Variants in ITSN2 observed in about 807,000 individuals in gnomAD.
ITSN2 encodes the protein intersectin 2.
ITSN2 carries 156 observed loss-of-function variants against 243.7 expected under a neutral mutation model. The ratio of observed to expected loss-of-function variants is 0.64; its 90% CI spans 0.56 to 0.73. The LOEUF (loss-of-function observed/expected upper bound fraction) is 0.73. Among genes scored for constraint, ITSN2 ranks in the 30% least tolerant of loss-of-function variants. The pLI, the probability that ITSN2 is intolerant of heterozygous loss-of-function variation, is 0.00. For synonymous variants in ITSN2, 703 were observed against 699.9 expected (o/e 1.00, Z -0.07); for missense variants, 1,801 against 1,996.1 (o/e 0.90, Z 1.86).
chr2:24,210,799 T>G lies in ITSN2; in HGVS notation c.4238A>C (p.Gln1413Pro). Residue 1413 changes from glutamine (Q) to proline (P), a missense_variant, in exon 34 of 40, where the codon CAG (glutamine) becomes CCG (proline). By Grantham distance (76) the Gln-to-Pro change is moderately conservative. Coordinates refer to ENST00000355123, the MANE Select transcript of ITSN2 (RefSeq NM_006277.3). ...DRLEWIQAHV[Q>P]CEGLAEQLIF... is the part of the protein sequence containing the mutation. ...CCTGACCTCCGCGAGGCCTTCACAC[T>G]GCACGTGCGCCTGGATCCACTCCAG... 2 of 1,613,996 alleles carry G rather than the reference T, an allele frequency of 1.2e-6. No individual in the cohort carries two copies. The highest frequency in any genetic ancestry group is 1.7e-6 in the Non-Finnish European group (2 of 1,179,958).
At chr2:24,266,861 C>T (rs955080940) in intron 20 of ITSN2, among the ~76,000 whole-genome samples, 2 of 151,504 alleles carry the variant, frequency 1.3e-5, no homozygotes, top group Admixed American at 6.6e-5. Flanking sequence ...GGCGTGAGCT[C>T]GGGTGGTCGA....
chr2:24,296,235 C>A (rs538817053), intron 13 of ITSN2, among the ~76,000 whole-genome samples: 1 of 152,134 alleles, frequency 6.6e-6, no homozygotes, highest in Non-Finnish European at 1.5e-5. Context: ...TAAAACAGTG[C>A]CCAGGAGGAA....
chr2:24,311,421 G>C (rs1360647782), intron 5 of ITSN2, among the ~76,000 whole-genome samples: 2 of 152,086 alleles, frequency 1.3e-5, no homozygotes, highest in African/African-American at 4.8e-5. Context: ...GCCCCGACTA[G>C]AATGAAGTGG....
intron 27 of ITSN2, among the ~76,000 whole-genome samples, chr2:24,247,470 TA>T (rs1673537589): frequency 6.6e-6 from 1 of 152,194 alleles, no homozygotes; most frequent in Non-Finnish European, 1.5e-5. Flanking sequence ...GTGAGTTCTG[TA>T]AAGTCCTTCT....
chr2:24,219,631 G>A (rs142110160), intron 30 of ITSN2, among the ~76,000 whole-genome samples: 3 of 152,292 alleles, frequency 2.0e-5, no homozygotes, highest in African/African-American at 7.2e-5. Flanking sequence ...TCATAAGAAG[G>A]CCTCACCTGT....
chr2:24,289,924 C>A (rs536367293), intron 15 of ITSN2, among the ~76,000 whole-genome samples: 1 of 152,278 alleles, frequency 6.6e-6, no homozygotes, highest in South Asian at 2.1e-4. Flanking sequence ...CTTCAGTTTA[C>A]CCCCATTGAT....
intron 1 of ITSN2, among the ~76,000 whole-genome samples, chr2:24,339,919 C>G (rs527400780): frequency 1.3e-5 from 2 of 151,836 alleles, no homozygotes; most frequent in South Asian, 4.2e-4. Context: ...TCTAGCTACT[C>G]AGGAAGTAGC....
At chr2:24,348,115 G>C (rs961438889) in intron 1 of ITSN2, among the ~76,000 whole-genome samples, 1 of 149,846 alleles carries the variant, frequency 6.7e-6, no homozygotes, top group African/African-American at 2.4e-5. Flanking sequence ...CAAATACTAA[G>C]ATCTCAGTAA....
At chr2:24,235,305 A>T (rs1206198471) in intron 29 of ITSN2, among the ~76,000 whole-genome samples, 1 of 152,118 alleles carries the variant, frequency 6.6e-6, no homozygotes, top group East Asian at 1.9e-4. Context: ...CAGTAAAAAG[A>T]TCAGTGGTTG....
intron 15 of ITSN2, 129 bp downstream of exon 15, chr2:24,293,559 C>T (rs1054019451): frequency 3.0e-5 from 13 of 436,602 alleles, no homozygotes; most frequent in Non-Finnish European, 5.0e-5. Context: ...TATTTTGAAA[C>T]TTTAAACTTA....
intron 1 of ITSN2, among the ~76,000 whole-genome samples, chr2:24,337,277 GTATGTA>G (rs1313063942): frequency 2.1e-3 from 6 of 2,860 alleles, no homozygotes; most frequent in South Asian, 9.4e-3. Context: ...GTGTCTATAT[GTATGTA>G]TGTGTGTGTG....
At chr2:24,212,837 CTTTTA>C in intron 32 of ITSN2, 89 bp from the exon 33 acceptor site, 3 of 1,055,136 alleles carry the variant, frequency 2.8e-6, no homozygotes, top group Non-Finnish European at 4.4e-6. Context: ...TTTCACATTT[CTTTTA>C]TTTATTTATG....
chr2:24,261,642 C>A lies in ITSN2; in HGVS notation c.2456G>T (p.Ser819Ile), dbSNP rs377548804. ...PCNYVEKMPSSENEKAVSPKK... is the reference protein window; with the variant it reads ...PCNYVEKMPSIENEKAVSPKK... ...TGGAGATACAGCTTTTTCATTTTCACTTGATGGCATTTTTTCTACATAATT... is the reference window on the plus strand; with the variant it reads ...TGGAGATACAGCTTTTTCATTTTCAATTGATGGCATTTTTTCTACATAATT... The change falls in exon 21 of 40, where the codon AGT becomes ATT. Residue 819 changes from serine to isoleucine, a missense_variant. By Grantham distance (142) the Ser-to-Ile change is moderately radical. Around this residue, in one of 5 missense-constraint regions of ITSN2, gnomAD observed 928 missense variants for 1,065.4 expected, o/e 0.87. Coordinates refer to ENST00000355123, the MANE Select transcript of ITSN2 (RefSeq NM_006277.3). 1.7e-5 allele frequency: 28 copies of A among 1,613,372 alleles called. No homozygotes were observed. Among genetic ancestry groups the A allele is most frequent in the Non-Finnish European group, 2.3e-5 (27 of 1,179,582 alleles).
At chr2:24,253,540 C>T (rs557847587) in intron 24 of ITSN2, among the ~76,000 whole-genome samples, 2 of 152,314 alleles carry the variant, frequency 1.3e-5, no homozygotes, top group South Asian at 4.2e-4. Context: ...CTAGATCCTA[C>T]TCATTGTTTA....
chr2:24,276,734 CA>C (rs1372882914), intron 17 of ITSN2, among the ~76,000 whole-genome samples: 1 of 152,190 alleles, frequency 6.6e-6, no homozygotes. Context: ...CTGACCTAAA[CA>C]ATCACAGCAC....
At chr2:24,268,943 G>A (rs1271160441) in intron 20 of ITSN2, among the ~76,000 whole-genome samples, 1 of 152,046 alleles carries the variant, frequency 6.6e-6, no homozygotes, top group African/African-American at 2.4e-5. Context: ...AACTGATACT[G>A]CTGTCCTCAA....
rs566703504 is a variant in ITSN2 at position 24,308,888 on chromosome 2, C to T, written c.654-132G>A. 5 of 638,650 alleles carry T rather than the reference C, an allele frequency of 7.8e-6. No homozygotes were observed. In the African/African-American group the frequency reaches 9.2e-5, roughly 12 times the overall value. The allele number at this position is 638,650 out of a possible 1,614,324, so 39.6% of individuals were successfully genotyped here. On this transcript the variant is annotated intron_variant, in intron 7 of 39. Coordinates refer to ENST00000355123, the MANE Select transcript of ITSN2 (RefSeq NM_006277.3). ...CCCCGGGCCACCGACCTGTTAGGAACCGGGCTGGACAGCGGGGCTCGGTGA... is the reference window on the plus strand; with the variant it reads ...CCCCGGGCCACCGACCTGTTAGGAATCGGGCTGGACAGCGGGGCTCGGTGA...
chr2:24,208,152 A>G (rs1170650499), intron 37 of ITSN2, 85 bp downstream of exon 37: 16 of 1,162,008 alleles, frequency 1.4e-5, no homozygotes, highest in East Asian at 2.3e-5. Flanking sequence ...ACCCGTCCCT[A>G]TATCATCAGC....
In ITSN2 at chr2:24,261,785, C is replaced by T. The variant is rs370500754; in HGVS notation, c.2356-43G>A. On this transcript the variant is annotated intron_variant, in intron 20 of 39. Transcript: ENST00000355123. ...AGGATTAACAGTGCTTAGAAATTCA[C>T]ACATTTACAATGGAAAGAGATGAAA... The T allele has an allele frequency of 1.3e-5, 18 of 1,427,996 alleles. No individual in the cohort carries two copies. In the African/African-American group the frequency reaches 2.0e-4, roughly 16 times the overall value. 88.5% of individuals were successfully genotyped at this position (1,427,996 alleles called of 1,614,324 possible). A position where few individuals can be genotyped will look rare whatever the true frequency, so the allele number is the denominator to read the frequency against.
Sources: gnomAD v4.1 joint callset for allele counts (sites outside exome capture counted in the v4.1 genomes callset) on GRCh38, gnomAD v4.1.1 for gene constraint, gnomAD v4.1.1 regional missense constraint, MANE v1.5 for transcripts, NCBI Gene and HGNC (gene_info 2026-07-23, HGNC 2026-07-21) for gene names.